Variants in RBFOX3 observed in about 807,000 individuals in gnomAD.
RBFOX3 encodes RNA binding protein fox-1 homolog 3.
In RBFOX3, 17 loss-of-function variants were observed where a neutral mutation model predicts 48.7. That is an observed-to-expected ratio of 0.35 (90% CI 0.24 to 0.52). The LOEUF (loss-of-function observed/expected upper bound fraction) is 0.52, where lower values mean the gene tolerates loss of function less well. Among genes scored for constraint, RBFOX3 ranks in the 20% least tolerant of loss-of-function variants. The pLI, the probability that RBFOX3 is intolerant of heterozygous loss-of-function variation, is 0.94. For synonymous variants in RBFOX3, 212 were observed against 209.5 expected, an observed-to-expected ratio of 1.01 and a Z score of -0.10; for missense variants, 382 against 497.5, an observed-to-expected ratio of 0.77 and a Z score of 2.21.
At chr17:79,532,173 G>T (rs2087884947) in intron 1 of RBFOX3, among the ~76,000 whole-genome samples, 1 of 150,980 alleles carries the variant, frequency 6.6e-6, no homozygotes, top group Non-Finnish European at 1.5e-5. Context: ...CGGGGCAAAT[G>T]ATCTGAATGT....
chr17:79,656,807 A>AAAAAAG, the RBFOX3 span, among the ~76,000 whole-genome samples: 1 of 24,434 alleles, frequency 4.1e-5, no homozygotes, highest in Non-Finnish European at 8.5e-5. Context: ...AGAAAGAAAG[A>AAAAAAG]AAAGAAAGAG....
At chr17:79,197,493 A>G (rs376466461) in intron 4 of RBFOX3, among the ~76,000 whole-genome samples, 1 of 147,198 alleles carries the variant, frequency 6.8e-6, no homozygotes, top group East Asian at 2.0e-4. Flanking sequence ...GGTTCGAGCG[A>G]TTCTCCTGCC....
chr17:79,467,125 A>G (rs1461053268), intron 2 of RBFOX3, among the ~76,000 whole-genome samples: 2 of 151,898 alleles, frequency 1.3e-5, no homozygotes, highest in Non-Finnish European at 2.9e-5. Flanking sequence ...CTGCGGTGGC[A>G]TCACCTGCCA....
the RBFOX3 span, among the ~76,000 whole-genome samples, chr17:79,665,110 G>A: frequency 6.6e-6 from 1 of 152,170 alleles, no homozygotes; most frequent in Admixed American, 6.5e-5. Context: ...TGAACAAACA[G>A]GTTAGACAGG....
intron 4 of RBFOX3, among the ~76,000 whole-genome samples, chr17:79,211,991 G>T (rs774731493): frequency 5.3e-5 from 8 of 152,200 alleles, no homozygotes; most frequent in Non-Finnish European, 1.2e-4. Context: ...GGCCCAGGAG[G>T]TTGTGGCCAG....
the RBFOX3 span, among the ~76,000 whole-genome samples, chr17:79,648,536 T>A: frequency 3.3e-5 from 5 of 152,050 alleles, no homozygotes; most frequent in Non-Finnish European, 1.5e-5. Flanking sequence ...CAGCAAGCCC[T>A]GCAAACAGCA....
At chr17:79,139,354 A>G (rs2041423875) in intron 4 of RBFOX3, among the ~76,000 whole-genome samples, 1 of 152,150 alleles carries the variant, frequency 6.6e-6, no homozygotes, top group Non-Finnish European at 1.5e-5. Context: ...CTATGTCTCC[A>G]GGTCCACCTG....
At chr17:79,145,628 G>A (rs1345192129) in intron 4 of RBFOX3, among the ~76,000 whole-genome samples, 7 of 152,198 alleles carry the variant, frequency 4.6e-5, no homozygotes, top group African/African-American at 9.7e-5. Flanking sequence ...CACTGGCCCC[G>A]CATGTGGTGG....
intron 2 of RBFOX3, among the ~76,000 whole-genome samples, chr17:79,378,397 C>T (rs546533300): frequency 1.3e-5 from 2 of 152,296 alleles, no homozygotes; most frequent in East Asian, 3.9e-4. Context: ...CACAGGCATG[C>T]CCCAGACCAT....
At chr17:79,607,981 G>A (rs1277597898) in intron 1 of RBFOX3, among the ~76,000 whole-genome samples, 6 of 152,214 alleles carry the variant, frequency 3.9e-5, no homozygotes, top group Non-Finnish European at 8.8e-5. Flanking sequence ...TTACCTCTTC[G>A]CAGGCCCTGG....
chr17:79,229,953 A>G (rs2060806853), intron 4 of RBFOX3, among the ~76,000 whole-genome samples: 2 of 152,198 alleles, frequency 1.3e-5, no homozygotes, highest in South Asian at 4.1e-4. Flanking sequence ...CCTGTGTCCA[A>G]GCTCCTAATC....
At chr17:79,282,223 C>T (rs1001454326) in intron 3 of RBFOX3, among the ~76,000 whole-genome samples, 10 of 152,056 alleles carry the variant, frequency 6.6e-5, no homozygotes, top group South Asian at 2.1e-4. Context: ...TTCCCACAAA[C>T]GAATCCATGA....
intron 3 of RBFOX3, among the ~76,000 whole-genome samples, chr17:79,270,751 G>A (rs761720800): frequency 1.8e-4 from 28 of 152,230 alleles, no homozygotes; most frequent in Non-Finnish European, 3.8e-4. Context: ...GGGGCAATGT[G>A]GGGAAGCCCT....
rs2049247044 is a variant in RBFOX3 at position 79,171,368 on chromosome 17, A to T, written c.-33-55620T>A. 2.0e-5 allele frequency among the ~76,000 whole-genome samples: 3 copies of T among 152,340 alleles called. No homozygotes were observed. In the South Asian group the frequency reaches 6.2e-4, roughly 32 times the overall value. On this transcript the variant is annotated intron_variant, in intron 4 of 14. Transcript: ENST00000693108. ...GGCTGGTGTAGGCCAGAGACTGGCCAACGTTTTCTACGAGGGGCCAGAGAG... is the reference window on the plus strand; with the variant it reads ...GGCTGGTGTAGGCCAGAGACTGGCCTACGTTTTCTACGAGGGGCCAGAGAG...
rs529692277 is a variant in RBFOX3 at position 79,287,017 on chromosome 17, G to A, written c.-74+20707C>T. 5.9e-5 allele frequency among the ~76,000 whole-genome samples: 9 copies of A among 152,384 alleles called. No individual in the cohort carries two copies. The South Asian group carries it at 1.9e-3, about 32-fold the overall frequency. On this transcript the variant is annotated intron_variant, in intron 3 of 14. Transcript: ENST00000693108. ...AAGCCAGGCACAGTTCACTAGCGGT[G>A]CTTCCCCCACATCACAGCGGCCCTG...
chr17:79,297,813 C>A (rs1340830141), intron 3 of RBFOX3, among the ~76,000 whole-genome samples: 1 of 152,220 alleles, frequency 6.6e-6, no homozygotes, highest in Non-Finnish European at 1.5e-5. Context: ...TGTTTCCCCA[C>A]CTCACTCCAG....
chr17:79,520,776 T>C (rs1036344393), intron 1 of RBFOX3, among the ~76,000 whole-genome samples: 7 of 152,088 alleles, frequency 4.6e-5, no homozygotes, highest in Admixed American at 3.3e-4. Flanking sequence ...AGTCGGGCCC[T>C]CCCGGCTGGC....
At chr17:79,322,786 C>T (rs1006621729) in intron 2 of RBFOX3, among the ~76,000 whole-genome samples, 1 of 152,150 alleles carries the variant, frequency 6.6e-6, no homozygotes, top group Non-Finnish European at 1.5e-5. Flanking sequence ...TTTGGGTTCT[C>T]AAGGGGGGCC....
At chr17:79,612,887 CCT>C (rs1185963705), upstream of RBFOX3, among the ~76,000 whole-genome samples, 1 of 152,182 alleles carries the variant, frequency 6.6e-6, no homozygotes, top group Non-Finnish European at 1.5e-5. Flanking sequence ...GGCAGTGCCC[CCT>C]GTCGGTCCCG....
Sources: allele counts gnomAD v4.1 joint callset (sites outside exome capture counted in the v4.1 genomes callset), GRCh38; gene constraint gnomAD v4.1.1; transcripts MANE v1.5; gene names NCBI Gene and HGNC (gene_info 2026-07-23, HGNC 2026-07-21).